The following ADAMTSL1 variants were observed in gnomAD, a reference collection of about 807,000 sequenced individuals.
ADAMTSL1 encodes ADAMTS like 1, also known as ADAMTS-like protein 1.
ADAMTSL1 carries 126 observed loss-of-function variants against 201.8 expected under a neutral mutation model. The ratio of observed to expected loss-of-function variants is 0.62; its 90% CI spans 0.54 to 0.72. ADAMTSL1 has a LOEUF of 0.72. Ranked by LOEUF, ADAMTSL1 falls within the 30% of genes least tolerant of loss-of-function variation. The probability of loss-of-function intolerance (pLI) is 0.00; values close to 1 mark genes in which losing one functional copy is unlikely to be tolerated. For synonymous variants in ADAMTSL1, 1,121 were observed against 903.4 expected, an observed-to-expected ratio of 1.24 and a Z score of -4.32; for missense variants, 2,679 against 2,277.8, an observed-to-expected ratio of 1.18 and a Z score of -3.59.
chr9:18,367,177 A>G (rs1836805014), intron 2 of ADAMTSL1, among the ~76,000 whole-genome samples: 1 of 152,214 alleles, frequency 6.6e-6, no homozygotes, highest in Non-Finnish European at 1.5e-5. Context: ...GCAATGTCCA[A>G]GTTGACAAAG....
At chr9:18,237,303 A>G (rs999975116) in intron 2 of ADAMTSL1, among the ~76,000 whole-genome samples, 17 of 152,204 alleles carry the variant, frequency 1.1e-4, no homozygotes, top group Non-Finnish European at 2.5e-4. Context: ...CTCAGGAGGA[A>G]GAACATGACA....
intron 1 of ADAMTSL1, among the ~76,000 whole-genome samples, chr9:18,490,220 C>T (rs1822200303): frequency 6.6e-6 from 1 of 152,084 alleles, no homozygotes; most frequent in African/African-American, 2.4e-5. Flanking sequence ...TTGTGTATCA[C>T]ATAGAAGACC....
In ADAMTSL1 at chr9:18,200,756, A is replaced by G. The variant is rs141619669; in HGVS notation, c.207+36775A>G. ...CTGAAAATTAATAAGTTTAATGTATATAAAATAAAATACAGGCAAAAATAA... is the reference window on the plus strand; with the variant it reads ...CTGAAAATTAATAAGTTTAATGTATGTAAAATAAAATACAGGCAAAAATAA... On this transcript the variant is annotated intron_variant, in intron 2 of 29. Coordinates refer to the ADAMTSL1 transcript ENST00000680146. Among the ~76,000 whole-genome samples, 320 of 152,208 alleles carry G rather than the reference A, an allele frequency of 2.1e-3. 1 individual carries two copies. The highest frequency in any genetic ancestry group is 6.7e-3 in the African/African-American group (280 of 41,556).
chr9:18,169,110 G>A (rs1827770441), intron 2 of ADAMTSL1, among the ~76,000 whole-genome samples: 1 of 138,042 alleles, frequency 7.2e-6, no homozygotes, highest in Non-Finnish European at 1.6e-5. Context: ...GTTTTGCTGT[G>A]CAGAAGCTCT....
At chr9:18,842,814 T>G (rs2131327469) in intron 23 of ADAMTSL1, among the ~76,000 whole-genome samples, 3 of 152,312 alleles carry the variant, frequency 2.0e-5, no homozygotes, top group East Asian at 3.9e-4. Context: ...TCTTTTGATC[T>G]TTGTTGGTTT....
intron 2 of ADAMTSL1, among the ~76,000 whole-genome samples, chr9:18,217,751 A>T (rs1830105556): frequency 6.6e-6 from 1 of 152,156 alleles, no homozygotes; most frequent in East Asian, 1.9e-4. Context: ...GCCGAGACTG[A>T]TGCTGGCTTC....
intron 1 of ADAMTSL1, among the ~76,000 whole-genome samples, chr9:17,964,175 G>A (rs954798337): frequency 6.6e-6 from 1 of 152,116 alleles, no homozygotes; most frequent in African/African-American, 2.4e-5. Flanking sequence ...CTTCTGGGTA[G>A]TAAAAATATT....
chr9:18,179,123 C>G (rs1244233200), intron 2 of ADAMTSL1, among the ~76,000 whole-genome samples: 2 of 152,034 alleles, frequency 1.3e-5, no homozygotes, highest in Admixed American at 6.6e-5. Flanking sequence ...ACGTTGAAAA[C>G]TTTGAAAAAA....
In ADAMTSL1 at chr9:17,994,285, A is replaced by G. The variant is rs182510513; in HGVS notation, c.87+87363A>G. 8.1e-4 allele frequency among the ~76,000 whole-genome samples: 124 copies of G among 152,160 alleles called. 4 individuals carry two copies. The East Asian group carries it at 0.023, about 28-fold the overall frequency. On this transcript the variant is annotated intron_variant, in intron 1 of 29. Coordinates refer to the ADAMTSL1 transcript ENST00000680146. The stretch of plus-strand genomic sequence containing the variant: ...AGGGTTGAGCTGTCGCTGGTTGGAG[A>G]TATTTGTGGAGTATCTGTCTCAAAT...
intron 2 of ADAMTSL1, among the ~76,000 whole-genome samples, chr9:18,227,531 A>C (rs144426847): frequency 6.6e-6 from 1 of 152,200 alleles, no homozygotes; most frequent in African/African-American, 2.4e-5. Flanking sequence ...GTTTGAAGCT[A>C]TGTTTAAGCC....
At chr9:18,345,819 C>G (rs1323228927) in intron 2 of ADAMTSL1, among the ~76,000 whole-genome samples, 2 of 152,042 alleles carry the variant, frequency 1.3e-5, no homozygotes, top group Non-Finnish European at 2.9e-5. Context: ...AACACAGAAC[C>G]CTGAGCTGCA....
At chr9:18,720,340 T>C (rs1262905579) in intron 14 of ADAMTSL1, among the ~76,000 whole-genome samples, 1 of 152,224 alleles carries the variant, frequency 6.6e-6, no homozygotes, top group East Asian at 1.9e-4. Context: ...AGTGCTTACT[T>C]TGTGCAGTTG....
chr9:18,637,391 A>C (rs1314399115), intron 6 of ADAMTSL1, among the ~76,000 whole-genome samples: 1 of 152,182 alleles, frequency 6.6e-6, no homozygotes. Flanking sequence ...ACTGAAATAA[A>C]ATATTCAGGC....
intron 1 of ADAMTSL1, among the ~76,000 whole-genome samples, chr9:18,131,971 G>T (rs920621016): frequency 1.3e-5 from 2 of 152,124 alleles, no homozygotes; most frequent in Non-Finnish European, 1.5e-5. Flanking sequence ...TTCAACTCTA[G>T]AATCCCATCT....
At chr9:18,176,215 T>C (rs1230315535) in intron 2 of ADAMTSL1, among the ~76,000 whole-genome samples, 2 of 152,010 alleles carry the variant, frequency 1.3e-5, no homozygotes. Context: ...ATATAGATCA[T>C]TTGCCCTAGC....
At chr9:18,507,466 A>G (rs1162322697) in intron 2 of ADAMTSL1, among the ~76,000 whole-genome samples, 1 of 152,220 alleles carries the variant, frequency 6.6e-6, no homozygotes, top group Non-Finnish European at 1.5e-5. Context: ...AACCCATTGA[A>G]TGTTCCTGGA....
chr9:17,913,171 C>A (rs971548643), intron 1 of ADAMTSL1, among the ~76,000 whole-genome samples: 16 of 152,080 alleles, frequency 1.1e-4, no homozygotes, highest in Non-Finnish European at 1.9e-4. Context: ...ATTGACTTGG[C>A]AATGTGGGCT....
intron 2 of ADAMTSL1, among the ~76,000 whole-genome samples, chr9:18,384,901 A>G (rs768206810): frequency 3.3e-5 from 5 of 152,110 alleles, no homozygotes; most frequent in Non-Finnish European, 7.4e-5. Context: ...CTCTTCCAAC[A>G]TGCCTTGTAA....
chr9:18,310,390 A>C (rs935974772), intron 2 of ADAMTSL1, among the ~76,000 whole-genome samples: 12 of 146,144 alleles, frequency 8.2e-5, no homozygotes, highest in African/African-American at 2.7e-4. Flanking sequence ...AAAAAAAAAA[A>C]AAAAAAAAAC....
Sources: allele counts gnomAD v4.1 joint callset (sites outside exome capture counted in the v4.1 genomes callset), GRCh38; gene constraint gnomAD v4.1.1; transcripts MANE v1.5; gene names NCBI Gene and HGNC (gene_info 2026-07-23, HGNC 2026-07-21).